Variants in RNGTT observed in about 807,000 individuals in gnomAD.
RNGTT encodes RNA guanylyltransferase and 5'-phosphatase.
A neutral mutation model predicts 79.3 loss-of-function variants in RNGTT; 33 were observed. The ratio of observed to expected loss-of-function variants is 0.42; its 90% CI spans 0.32 to 0.56. The LOEUF (loss-of-function observed/expected upper bound fraction) is 0.56, where lower values mean the gene tolerates loss of function less well. RNGTT is among the 20% of genes least tolerant of loss of function. The probability of loss-of-function intolerance (pLI) is 0.17; values close to 1 mark genes in which losing one functional copy is unlikely to be tolerated. For missense variants in RNGTT, 497 were observed against 739.1 expected, an observed-to-expected ratio of 0.67 and a Z score of 3.80; for synonymous variants, 222 against 235.9, an observed-to-expected ratio of 0.94 and a Z score of 0.54.
At chr6:88,702,907 T>C (rs1032851182) in intron 13 of RNGTT, among the ~76,000 whole-genome samples, 7 of 151,994 alleles carry the variant, frequency 4.6e-5, no homozygotes, top group African/African-American at 1.5e-4. Flanking sequence ...AGTAGAGATC[T>C]CTCAAAATTC....
rs1378459105 is a variant in RNGTT at position 88,673,784 on chromosome 6, CTG to C, written c.1506+4567_1506+4568del. On this transcript the variant is annotated intron_variant, in intron 14 of 15. Transcript: ENST00000369485. ...CACTCTGATACACATAACTCTGAGA[CTG>C]TGCTTTTGAGACACCATGTAACTCA... Among the ~76,000 whole-genome samples the C allele has an allele frequency of 5.3e-5, 8 of 152,234 alleles. No homozygotes were observed. The East Asian group carries it at 1.5e-3, about 29-fold the overall frequency.
At chr6:88,688,866 T>A (rs1340801425) in intron 13 of RNGTT, among the ~76,000 whole-genome samples, 1 of 152,218 alleles carries the variant, frequency 6.6e-6, no homozygotes, top group Non-Finnish European at 1.5e-5. Context: ...TGAAGACTTT[T>A]AGGATGATCC....
At chr6:88,963,102 C>A (rs1785696651) in intron 1 of RNGTT, among the ~76,000 whole-genome samples, 2 of 152,176 alleles carry the variant, frequency 1.3e-5, no homozygotes, top group African/African-American at 4.8e-5. Context: ...CTGCCACCAA[C>A]CTCCTGTCTA....
intron 1 of RNGTT, among the ~76,000 whole-genome samples, chr6:88,955,294 C>T (rs1459152293): frequency 6.6e-6 from 1 of 151,920 alleles, no homozygotes; most frequent in Admixed American, 6.6e-5. Flanking sequence ...CTCATGCCTG[C>T]AATCCTAGCA....
At chr6:88,692,210 G>A (rs1316471777) in intron 13 of RNGTT, among the ~76,000 whole-genome samples, 1 of 152,082 alleles carries the variant, frequency 6.6e-6, no homozygotes, top group Non-Finnish European at 1.5e-5. Flanking sequence ...TTACTACCTG[G>A]AGCTTTCAGA....
intron 14 of RNGTT, among the ~76,000 whole-genome samples, chr6:88,641,339 A>T (rs1463498107): frequency 5.9e-5 from 5 of 84,366 alleles, no homozygotes; most frequent in Admixed American, 2.9e-4. Flanking sequence ...ACTCTGTCTT[A>T]AAAAAAAAAA....
In RNGTT at chr6:88,804,977, G is replaced by A. The variant is rs376659020; in HGVS notation, c.1270-3345C>T. On this transcript the variant is annotated intron_variant, in intron 11 of 15. Coordinates refer to ENST00000369485, the MANE Select transcript of RNGTT (RefSeq NM_003800.5). ...GATCTATGTTCATAATCTTAGAAGT[G>A]CTTTGCTCTTTGAAGATACCTTTAA... Among the ~76,000 whole-genome samples, 6 of 152,310 alleles carry A rather than the reference G, an allele frequency of 3.9e-5. No individual in the cohort carries two copies. In the South Asian group the frequency reaches 1.0e-3, roughly 26 times the overall value.
intron 14 of RNGTT, among the ~76,000 whole-genome samples, chr6:88,668,422 T>C (rs1490422964): frequency 2.6e-5 from 4 of 152,194 alleles, no homozygotes; most frequent in African/African-American, 9.6e-5. Context: ...AGGAAACTCA[T>C]CGTGGGACTC....
chr6:88,629,317 C>T (rs1010342864), intron 14 of RNGTT, among the ~76,000 whole-genome samples: 8 of 152,102 alleles, frequency 5.3e-5, no homozygotes, highest in East Asian at 1.9e-4. Flanking sequence ...ACTGGTTTAC[C>T]GGCTTTCACT....
intron 14 of RNGTT, among the ~76,000 whole-genome samples, chr6:88,642,791 CT>C (rs1055152937): frequency 2.6e-5 from 4 of 152,108 alleles, no homozygotes; most frequent in African/African-American, 9.7e-5. Context: ...TATAATATGT[CT>C]TAGGCACATA....
chr6:88,675,993 C>T (rs1405846409), intron 14 of RNGTT, among the ~76,000 whole-genome samples: 2 of 152,104 alleles, frequency 1.3e-5, no homozygotes, highest in African/African-American at 4.8e-5. Context: ...GCAAACTGAT[C>T]TATACATTCA....
In RNGTT at chr6:88,610,530, C is replaced by T. The variant is rs1771984129; in HGVS notation, c.*2189G>A. ...GCTGAGAAGGAGCACATTTCCTTCA[C>T]AATGTCCAAAATCCTGCCTCTAGAT... On this transcript the variant is annotated 3_prime_UTR_variant, in exon 16 of 16. Coordinates refer to ENST00000369485, the MANE Select transcript of RNGTT (RefSeq NM_003800.5). 2 of 152,186 alleles carry T rather than the reference C, an allele frequency of 1.3e-5. No individual in the cohort carries two copies. Among genetic ancestry groups the T allele is most frequent in the African/African-American group, 2.4e-5 (1 of 41,454 alleles). 9.4% of individuals were successfully genotyped at this position (152,186 alleles called of 1,614,324 possible).
chr6:88,844,656 C>CA, intron 10 of RNGTT, 135 bp from the exon 11 acceptor site: 1 of 719,680 alleles, frequency 1.4e-6, no homozygotes, highest in East Asian at 2.6e-5. Flanking sequence ...ACAGCGTGCA[C>CA]AAACATATAT....
intron 4 of RNGTT, among the ~76,000 whole-genome samples, chr6:88,910,458 T>C (rs779765973): frequency 6.6e-6 from 1 of 152,066 alleles, no homozygotes; most frequent in Non-Finnish European, 1.5e-5. Flanking sequence ...AGAAAAAGAA[T>C]CTTCAACAAA....
At chr6:88,874,074 G>C (rs1363807502) in intron 8 of RNGTT, among the ~76,000 whole-genome samples, 1 of 152,118 alleles carries the variant, frequency 6.6e-6, no homozygotes, top group Non-Finnish European at 1.5e-5. Context: ...TTCAGATTAA[G>C]TAGCTCTCAT....
At chr6:88,647,705 A>AAAAAAAAAAAAAAAAAAAAAAAAT (rs1321393916) in intron 14 of RNGTT, among the ~76,000 whole-genome samples, 1 of 142,698 alleles carries the variant, frequency 7.0e-6, no homozygotes, top group Non-Finnish European at 1.5e-5. Context: ...CCCTGTTAAA[A>AAAAAAAAAAAAAAAAAAAAAAAAT]AAAAAAAAAA....
At chr6:88,744,619 C>T (rs1284749247) in intron 13 of RNGTT, among the ~76,000 whole-genome samples, 1 of 152,132 alleles carries the variant, frequency 6.6e-6, no homozygotes, top group African/African-American at 2.4e-5. Context: ...CTAATCATTA[C>T]ATTAGCTCTT....
chr6:88,802,753 A>G (rs1218646558), intron 11 of RNGTT, among the ~76,000 whole-genome samples: 2 of 152,206 alleles, frequency 1.3e-5, no homozygotes, highest in African/African-American at 4.8e-5. Flanking sequence ...GAAGCCCCTT[A>G]TAAAAGCATC....
At chr6:88,659,584 C>A (rs1288094425) in intron 14 of RNGTT, among the ~76,000 whole-genome samples, 2 of 149,846 alleles carry the variant, frequency 1.3e-5, no homozygotes, top group African/African-American at 5.0e-5. Flanking sequence ...TTAACCCAAT[C>A]AGACAAAGAC....
Sources: gnomAD v4.1 joint callset for allele counts (sites outside exome capture counted in the v4.1 genomes callset) on GRCh38, gnomAD v4.1.1 for gene constraint, MANE v1.5 for transcripts, NCBI Gene and HGNC (gene_info 2026-07-23, HGNC 2026-07-21) for gene names.